The following TMEM179 variants were observed in gnomAD, a reference collection of about 807,000 sequenced individuals.
TMEM179 encodes the protein transmembrane protein 179A.
In TMEM179, 17 loss-of-function variants were observed where a neutral mutation model predicts 22.2. That is an observed-to-expected ratio of 0.77 (90% CI 0.52 to 1.15). TMEM179 has a LOEUF of 1.15. Among genes scored for constraint, TMEM179 ranks in the 50% most tolerant of loss-of-function variants. TMEM179 has a pLI of 0.00. For missense variants in TMEM179, 265 were observed against 313.6 expected (o/e 0.84, Z 1.17); for synonymous variants, 127 against 140.5 (o/e 0.90, Z 0.68).
At chr14:104,596,410 G>A (rs1887023999) in intron 2 of TMEM179, among the ~76,000 whole-genome samples, 1 of 152,148 alleles carries the variant, frequency 6.6e-6, no homozygotes, top group Admixed American at 6.5e-5. Context: ...GACCACCATG[G>A]CTCAAAGGCC....
At chr14:104,599,029 C>T (rs546782197) in intron 1 of TMEM179, among the ~76,000 whole-genome samples, 15 of 152,192 alleles carry the variant, frequency 9.9e-5, no homozygotes, top group Admixed American at 4.6e-4. Flanking sequence ...CCCATCACAG[C>T]GCCACATCCA....
rs974282134 is a variant in TMEM179 at position 104,593,524 on chromosome 14, C to T, written c.657G>A (p.Pro219=). The T allele has an allele frequency of 1.5e-5, 23 of 1,535,546 alleles. No individual in the cohort carries two copies. The highest frequency in any genetic ancestry group is 6.8e-5 in the African/African-American group (5 of 73,054). Reference sequence around the variant, plus strand: ...CCTCTTGGAAGGAGGTGCGTGGGGACGGCCGGGCCAGCAGCAGCTCCTTCT... The same window carrying T: ...CCTCTTGGAAGGAGGTGCGTGGGGATGGCCGGGCCAGCAGCAGCTCCTTCT... The part of the protein sequence containing the change: ...IHEKELLLAR[P]SPRTSFQEEK... The change falls in exon 4 of 4, where the codon CCG becomes CCA. Residue 219 remains proline, a synonymous_variant. Coordinates refer to ENST00000556573, the MANE Select transcript of TMEM179 (RefSeq NM_001286389.2).
rs1161065435 is a variant in TMEM179, at chr14:104,596,865, C to T, written c.443+125G>A. On this transcript the variant is annotated intron_variant, in intron 2 of 3. Coordinates refer to ENST00000556573, the MANE Select transcript of TMEM179 (RefSeq NM_001286389.2). ...TATGCACAGGCAGGGGCACAGTGCA[C>T]AGTGGGACCAGGGACCGCAGACTCA... 4.7e-6 allele frequency: 6 copies of T among 1,278,814 alleles called. No individual in the cohort carries two copies. In the African/African-American group the frequency reaches 5.9e-5, roughly 13 times the overall value. The allele number at this position is 1,278,814 out of a possible 1,614,324, so 79.2% of individuals were successfully genotyped here. A position where few individuals can be genotyped will look rare whatever the true frequency, so the allele number is the denominator to read the frequency against.
Position 104,591,146 on chromosome 14 carries a change from G to A in TMEM179, c.*2333C>T. 2.9e-6 allele frequency: 1 copy of A among 340,514 alleles called. No homozygotes were observed. The highest frequency in any genetic ancestry group is 5.8e-6 in the Non-Finnish European group (1 of 173,298). The allele number at this position is 340,514 out of a possible 1,614,324, so 21.1% of individuals were successfully genotyped here. ...GCGATGTGTCTGGGCTCCGGAGACAGCCCAGTCCAGGGTGGGTCTATGTCT... is the reference window on the plus strand; with the variant it reads ...GCGATGTGTCTGGGCTCCGGAGACAACCCAGTCCAGGGTGGGTCTATGTCT... On this transcript the variant is annotated 3_prime_UTR_variant, in exon 4 of 4. Transcript: ENST00000556573.
In TMEM179 at chr14:104,596,967, C is replaced by T. The variant is rs369631194; in HGVS notation, c.443+23G>A. ...ATCTTCCGGGGAGGTGGGCGGAGGC[C>T]GAGGCGGGTGGGGCGGGCGCACCTG... On this transcript the variant is annotated intron_variant, in intron 2 of 3. Transcript: ENST00000556573. 4.1e-5 allele frequency: 65 copies of T among 1,581,800 alleles called. No homozygotes were observed. The African/African-American group carries it at 6.2e-4, about 15-fold the overall frequency.
In TMEM179 at chr14:104,595,381, G is replaced by A. The variant is rs1886986390; in HGVS notation, c.444-138C>T. On this transcript the variant is annotated intron_variant, in intron 2 of 3. Transcript: ENST00000556573. The surrounding 1 kb of genome is among the most constrained non-coding windows in gnomAD (Gnocchi z 5.7). ...GGGTGGGCAGCAGGGAGTCTCTGGG[G>A]ACATCACGGAGGGTTAGCCTCGATG... 2 of 799,020 alleles carry A rather than the reference G, an allele frequency of 2.5e-6. No individual in the cohort carries two copies. Among genetic ancestry groups the A allele is most frequent in the Non-Finnish European group, 3.9e-6 (2 of 507,216 alleles). The allele number at this position is 799,020 out of a possible 1,614,324, so 49.5% of individuals were successfully genotyped here. A position where few individuals can be genotyped will look rare whatever the true frequency, so the allele number is the denominator to read the frequency against.
chr14:104,595,271 G>C lies in TMEM179; in HGVS notation c.444-28C>G. 1 of 1,598,748 alleles carries C rather than the reference G, an allele frequency of 6.3e-7. No individual in the cohort carries two copies. Among genetic ancestry groups the C allele is most frequent in the Non-Finnish European group, 8.6e-7 (1 of 1,169,350 alleles). ...AAAACAGCAGGACATAGGGTGGAGGGTGACCACCAGGACAGCCAGTGCGGG... is the reference window on the plus strand; with the variant it reads ...AAAACAGCAGGACATAGGGTGGAGGCTGACCACCAGGACAGCCAGTGCGGG... On this transcript the variant is annotated intron_variant, in intron 2 of 3. Coordinates refer to ENST00000556573, the MANE Select transcript of TMEM179 (RefSeq NM_001286389.2). This position sits in a 1 kb window ranked among gnomAD's most constrained non-coding sequence, Gnocchi z 5.7.
Position 104,604,241 on chromosome 14 carries a change from G to T in TMEM179, c.305+196C>A, listed in dbSNP as rs937730853. The stretch of plus-strand genomic sequence containing the variant: ...AGGCACTGGCCTTGTACGCAGGACC[G>T]GTGGTCGTCATGGTCCCTGGATGTG... On this transcript the variant is annotated intron_variant, in intron 1 of 3. Coordinates refer to ENST00000556573, the MANE Select transcript of TMEM179 (RefSeq NM_001286389.2). The surrounding 1 kb of genome is among the most constrained non-coding windows in gnomAD (Gnocchi z 4.6). 2.0e-5 allele frequency among the ~76,000 whole-genome samples: 3 copies of T among 152,204 alleles called. No homozygotes were observed. The highest frequency in any genetic ancestry group is 7.2e-5 in the African/African-American group (3 of 41,452).
chr14:104,599,408 G>A (rs1596299300), intron 1 of TMEM179, among the ~76,000 whole-genome samples: 1 of 152,182 alleles, frequency 6.6e-6, no homozygotes, highest in African/African-American at 2.4e-5. Context: ...CACCCATCCA[G>A]GTCCCGTTAG....
chr14:104,593,500 C>T lies in TMEM179; in HGVS notation c.681G>A (p.Glu227=), dbSNP rs1886909611. The change falls in exon 4 of 4, where the codon GAG becomes GAA. Residue 227 remains glutamate, a synonymous_variant. Transcript: ENST00000556573. ...GTGCCTAAATGACAGCGCTCTTCTC[C>T]TCTTGGAAGGAGGTGCGTGGGGACG... The part of the protein sequence containing the change: ...ARPSPRTSFQ[E]EKSAVI 6.5e-7 allele frequency: 1 copy of T among 1,535,916 alleles called. No individual in the cohort carries two copies. The highest frequency in any genetic ancestry group is 1.4e-5 in the African/African-American group (1 of 73,060).
In TMEM179 at chr14:104,604,005, G is replaced by C. The variant is rs1887330715; in HGVS notation, c.305+432C>G. Among the ~76,000 whole-genome samples, 1 of 152,212 alleles carries C rather than the reference G, an allele frequency of 6.6e-6. No individual in the cohort carries two copies. Among genetic ancestry groups the C allele is most frequent in the Admixed American group, 6.5e-5 (1 of 15,288 alleles). ...TCCCTTTCCCGGGGCGATGGTGCCG[G>C]GTGGGGCTCCCCAGTTCGCCTTGTC... On this transcript the variant is annotated intron_variant, in intron 1 of 3. Transcript: ENST00000556573. This position sits in a 1 kb window ranked among gnomAD's most constrained non-coding sequence, Gnocchi z 4.6.
rs1886905115 is a variant in TMEM179 at position 104,593,393 on chromosome 14, G to A, written c.*86C>T. The stretch of plus-strand genomic sequence containing the variant: ...GCTGCATGTGGCCAGGGCCCAGGCA[G>A]AGCCCCCCAGCTGCTTCCCCAGGCA... On this transcript the variant is annotated 3_prime_UTR_variant, in exon 4 of 4. Coordinates refer to ENST00000556573, the MANE Select transcript of TMEM179 (RefSeq NM_001286389.2). 9.4e-6 allele frequency: 14 copies of A among 1,490,266 alleles called. No individual in the cohort carries two copies. The East Asian group carries it at 3.4e-4, about 37-fold the overall frequency. 92.3% of individuals were successfully genotyped at this position (1,490,266 alleles called of 1,614,324 possible). A position where few individuals can be genotyped will look rare whatever the true frequency, so the allele number is the denominator to read the frequency against.
At position 104,604,418 on chromosome 14, in the gene TMEM179, G is replaced by A. The variant is rs774729726; in HGVS notation, c.305+19C>T. On this transcript the variant is annotated intron_variant, in intron 1 of 3. Coordinates refer to ENST00000556573, the MANE Select transcript of TMEM179 (RefSeq NM_001286389.2). This position sits in a 1 kb window ranked among gnomAD's most constrained non-coding sequence, Gnocchi z 4.6. ...GGGGGCATGGAAGGGGCGCCGCGCC[G>A]GGAGCGGCCCCCACTTACCCCTCGT... The A allele has an allele frequency of 6.0e-6, 9 of 1,507,006 alleles. No individual in the cohort carries two copies. Among genetic ancestry groups the A allele is most frequent in the East Asian group, 5.1e-5 (2 of 39,482 alleles). 93.4% of individuals were successfully genotyped at this position (1,507,006 alleles called of 1,614,324 possible). A position where few individuals can be genotyped will look rare whatever the true frequency, so the allele number is the denominator to read the frequency against.
chr14:104,601,929 T>C (rs1887252968), intron 1 of TMEM179, among the ~76,000 whole-genome samples: 1 of 151,992 alleles, frequency 6.6e-6, no homozygotes, highest in Non-Finnish European at 1.5e-5. Context: ...GTCTAAGGCT[T>C]CCTAAATCCC....
chr14:104,598,253 T>G (rs1887110598), intron 1 of TMEM179, among the ~76,000 whole-genome samples: 1 of 152,084 alleles, frequency 6.6e-6, no homozygotes, highest in Non-Finnish European at 1.5e-5. Flanking sequence ...GTCCCTCCAG[T>G]GGGAGCCCTG....
In TMEM179 at chr14:104,593,276, G is replaced by T; in HGVS notation, c.*203C>A. On this transcript the variant is annotated 3_prime_UTR_variant, in exon 4 of 4. Transcript: ENST00000556573. ...GTCTCTCTGCACCATCCTCATCAGG[G>T]AGCCGGCACCCACCCAGTCCACTGC... The T allele has an allele frequency of 1.6e-6, 1 of 640,418 alleles. No homozygotes were observed. The highest frequency in any genetic ancestry group is 2.7e-6 in the Non-Finnish European group (1 of 371,550). 39.7% of individuals were successfully genotyped at this position (640,418 alleles called of 1,614,324 possible).
intron 3 of TMEM179, chr14:104,594,387 G>A: frequency 8.1e-7 from 1 of 1,231,796 alleles, no homozygotes; most frequent in Non-Finnish European, 1.0e-6. Flanking sequence ...CTGGGGTCCG[G>A]AATTGGACCT....
At chr14:104,594,588 G>A in intron 3 of TMEM179, 1 of 1,230,140 alleles carries the variant, frequency 8.1e-7, no homozygotes, top group Non-Finnish European at 1.0e-6. Context: ...CTGCATTTCA[G>A]CAAATAGCGT....
rs1203433151 is a variant in TMEM179 at position 104,604,259 on chromosome 14, TG to T, written c.305+177del. Among the ~76,000 whole-genome samples the T allele has an allele frequency of 1.3e-5, 2 of 151,824 alleles. No homozygotes were observed. The highest frequency in any genetic ancestry group is 2.9e-5 in the Non-Finnish European group (2 of 67,930). On this transcript the variant is annotated intron_variant, in intron 1 of 3. Coordinates refer to ENST00000556573, the MANE Select transcript of TMEM179 (RefSeq NM_001286389.2). This position sits in a 1 kb window ranked among gnomAD's most constrained non-coding sequence, Gnocchi z 4.6. The stretch of plus-strand genomic sequence containing the variant: ...CAGGACCGGTGGTCGTCATGGTCCC[TG>T]GATGTGTGTGTAGACAAAGGGCGGT...
Sources: allele counts gnomAD v4.1 joint callset (sites outside exome capture counted in the v4.1 genomes callset), GRCh38; gene constraint gnomAD v4.1.1; non-coding constraint Gnocchi (gnomAD v3.1); transcripts MANE v1.5; gene names NCBI Gene and HGNC (gene_info 2026-07-23, HGNC 2026-07-21).